Variants in DOCK5 observed in about 807,000 individuals in gnomAD.
DOCK5 encodes the protein dedicator of cytokinesis 5, also known as dedicator of cytokinesis protein 5.
DOCK5 carries 142 observed loss-of-function variants against 251.8 expected under a neutral mutation model. That is an observed-to-expected ratio of 0.56 (90% CI 0.49 to 0.65). The LOEUF (loss-of-function observed/expected upper bound fraction) is 0.65, where lower values mean the gene tolerates loss of function less well. Among genes scored for constraint, DOCK5 ranks in the 30% least tolerant of loss-of-function variants. DOCK5 has a pLI of 0.00. For missense variants in DOCK5, 2,111 were observed against 2,312.3 expected, an observed-to-expected ratio of 0.91 and a Z score of 1.79; for synonymous variants, 842 against 835.5, an observed-to-expected ratio of 1.01 and a Z score of -0.13.
chr8:25,323,766 G>C, intron 16 of DOCK5, 82 bp from the exon 17 acceptor site: 1 of 1,483,100 alleles, frequency 6.7e-7, no homozygotes, highest in South Asian at 1.2e-5. Flanking sequence ...CTGCACCCCC[G>C]AGCAAAATGT....
chr8:25,384,431 TTTTA>T (rs200273148), intron 40 of DOCK5, among the ~76,000 whole-genome samples: 94 of 132,688 alleles, frequency 7.1e-4, no homozygotes, highest in East Asian at 2.0e-3. Flanking sequence ...AATATTATTA[TTTTA>T]TTTATTTATT....
At chr8:25,272,712 A>G (rs1052262870) in intron 3 of DOCK5, among the ~76,000 whole-genome samples, 3 of 152,150 alleles carry the variant, frequency 2.0e-5, no homozygotes, top group African/African-American at 7.2e-5. Context: ...TATATATAAC[A>G]TAAAATTTAC....
At chr8:25,275,344 T>A (rs1311305264) in intron 3 of DOCK5, 42 bp from the exon 4 acceptor site, 2 of 1,541,494 alleles carry the variant, frequency 1.3e-6, no homozygotes, top group Non-Finnish European at 1.8e-6. Flanking sequence ...TGGTTTTTGT[T>A]TTGTTTTTAT....
At chr8:25,313,678 G>C (rs902493191) in intron 13 of DOCK5, among the ~76,000 whole-genome samples, 6 of 152,268 alleles carry the variant, frequency 3.9e-5, no homozygotes, top group African/African-American at 1.4e-4. Context: ...GTGACAGCAG[G>C]GATGGCTTCT....
At chr8:25,190,729 T>C (rs1156823602) in intron 1 of DOCK5, among the ~76,000 whole-genome samples, 11 of 149,494 alleles carry the variant, frequency 7.4e-5, no homozygotes, top group Non-Finnish European at 1.5e-4. Context: ...CCGGATATTA[T>C]ATAATTATAA....
intron 2 of DOCK5, among the ~76,000 whole-genome samples, chr8:25,266,216 G>A (rs1268025093): frequency 1.3e-5 from 2 of 150,906 alleles, no homozygotes; most frequent in Admixed American, 1.3e-4. Context: ...TTTGCATTAT[G>A]CCTTCTTTTT....
chr8:25,230,360 G>A (rs1362628934), intron 1 of DOCK5, among the ~76,000 whole-genome samples: 1 of 152,146 alleles, frequency 6.6e-6, no homozygotes, highest in African/African-American at 2.4e-5. Flanking sequence ...TGGGTTGGAG[G>A]AAGCCTCTCA....
At chr8:25,314,838 C>T (rs184170468) in intron 13 of DOCK5, among the ~76,000 whole-genome samples, 1 of 139,074 alleles carries the variant, frequency 7.2e-6, no homozygotes, top group African/African-American at 2.6e-5. Context: ...TCCTTTATAA[C>T]TCACATAAAT....
Position 25,414,263 on chromosome 8 carries a change from A to G in DOCK5, c.*2965A>G. The stretch of plus-strand genomic sequence containing the variant: ...TGTAGTGGTTGAGTGTGTTCAATGG[A>G]AACAGCCCCAGTATACAAAGACAGT... On this transcript the variant is annotated 3_prime_UTR_variant, in exon 52 of 52. Transcript: ENST00000276440. The G allele has an allele frequency of 6.6e-6, 1 of 152,184 alleles. No homozygotes were observed. The highest frequency in any genetic ancestry group is 6.5e-5 in the Admixed American group (1 of 15,272). The allele number at this position is 152,184 out of a possible 1,614,324, so 9.4% of individuals were successfully genotyped here.
At chr8:25,384,463 A>ATTTATTTATTTAT (rs1400363524) in intron 40 of DOCK5, among the ~76,000 whole-genome samples, 3 of 135,690 alleles carry the variant, frequency 2.2e-5, no homozygotes, top group Admixed American at 7.7e-5. Flanking sequence ...TTATTTATTT[A>ATTTATTTATTTAT]TTTTTTTTTT....
chr8:25,379,715 A>G (rs1801029559), intron 38 of DOCK5, among the ~76,000 whole-genome samples: 1 of 152,184 alleles, frequency 6.6e-6, no homozygotes, highest in Admixed American at 6.5e-5. Flanking sequence ...ATAAATGTCC[A>G]TGAAATCTTC....
chr8:25,295,596 G>C (rs142135228), intron 6 of DOCK5, among the ~76,000 whole-genome samples: 1 of 152,054 alleles, frequency 6.6e-6, no homozygotes, highest in Non-Finnish European at 1.5e-5. Flanking sequence ...TACTTCACTC[G>C]TCTCCTTTAT....
At chr8:25,258,754 C>T (rs1803489455) in intron 2 of DOCK5, among the ~76,000 whole-genome samples, 1 of 152,184 alleles carries the variant, frequency 6.6e-6, no homozygotes, top group Non-Finnish European at 1.5e-5. Flanking sequence ...TTGCTATATT[C>T]ATCAGATGTT....
intron 13 of DOCK5, among the ~76,000 whole-genome samples, chr8:25,314,922 T>C (rs1192320391): frequency 6.6e-6 from 1 of 150,626 alleles, no homozygotes; most frequent in African/African-American, 2.4e-5. Context: ...CCATCTGCAT[T>C]GTCACTACCC....
Position 25,184,786 on chromosome 8 carries a change from A to G in DOCK5, c.-123A>G, listed in dbSNP as rs1469907315. 4 of 954,884 alleles carry G rather than the reference A, an allele frequency of 4.2e-6. No individual in the cohort carries two copies. The highest frequency in any genetic ancestry group is 5.4e-6 in the Non-Finnish European group (4 of 739,314). The allele number at this position is 954,884 out of a possible 1,614,324, so 59.2% of individuals were successfully genotyped here. A position where few individuals can be genotyped will look rare whatever the true frequency, so the allele number is the denominator to read the frequency against. On this transcript the variant is annotated 5_prime_UTR_variant, in exon 1 of 52. Coordinates refer to ENST00000276440, the MANE Select transcript of DOCK5 (RefSeq NM_024940.8). ...GGCGAGGAGGCGGCCCGCGGAGTCC[A>G]GCGAAGTTTGGCGGAACATGGCGGA...
At chr8:25,269,225 C>T (rs889566074) in intron 3 of DOCK5, among the ~76,000 whole-genome samples, 1 of 152,166 alleles carries the variant, frequency 6.6e-6, no homozygotes, top group African/African-American at 2.4e-5. Context: ...TCCCTTTGTC[C>T]TTTACTTCCA....
chr8:25,231,815 G>T (rs908101822), intron 1 of DOCK5, among the ~76,000 whole-genome samples: 1 of 152,140 alleles, frequency 6.6e-6, no homozygotes, highest in African/African-American at 2.4e-5. Context: ...GTGTTTTCTA[G>T]ATGTGTATGA....
intron 30 of DOCK5, among the ~76,000 whole-genome samples, chr8:25,365,362 G>A (rs75193301): frequency 0.018 from 2,786 of 152,276 alleles, 48 homozygotes; most frequent in Non-Finnish European, 0.022. Flanking sequence ...TTGTCTTTGC[G>A]TGTATCTGTG....
At chr8:25,327,480 AG>A (rs139675227) in intron 18 of DOCK5, among the ~76,000 whole-genome samples, 148 of 152,346 alleles carry the variant, frequency 9.7e-4, no homozygotes, top group African/African-American at 3.4e-3. Context: ...CAAGAATAAA[AG>A]TTTGTGAAAT....
Sources: gnomAD v4.1 joint callset for allele counts (sites outside exome capture counted in the v4.1 genomes callset) on GRCh38, gnomAD v4.1.1 for gene constraint, MANE v1.5 for transcripts, NCBI Gene and HGNC (gene_info 2026-07-23, HGNC 2026-07-21) for gene names.